Variants in ST18 observed in about 807,000 individuals in gnomAD.
ST18 encodes the protein suppression of tumorigenicity 18 protein.
A neutral mutation model predicts 110.0 loss-of-function variants in ST18; 50 were observed. That is an observed-to-expected ratio of 0.45 (90% CI 0.36 to 0.58). The LOEUF (loss-of-function observed/expected upper bound fraction) is 0.58, where lower values mean the gene tolerates loss of function less well. Ranked by LOEUF, ST18 falls within the 20% of genes least tolerant of loss-of-function variation. The pLI is 0.00. For synonymous variants in ST18, 461 were observed against 452.4 expected (o/e 1.02, Z -0.24); for missense variants, 1,306 against 1,280.1 (o/e 1.02, Z -0.31).
chr8:52,235,963 C>T (rs2092598791), intron 2 of ST18, among the ~76,000 whole-genome samples: 1 of 151,920 alleles, frequency 6.6e-6, no homozygotes, highest in South Asian at 2.1e-4. Flanking sequence ...CTGAAAATAC[C>T]AGGAAATAAA....
At chr8:52,409,004 T>C (rs1003748720) in intron 2 of ST18, 1 of 152,272 alleles carries the variant, frequency 6.6e-6, no homozygotes, top group Non-Finnish European at 1.5e-5. Context: ...AATTCCTTAC[T>C]GTACAAGTAA....
At chr8:52,387,976 G>T (rs1205928567) in intron 2 of ST18, among the ~76,000 whole-genome samples, 1 of 141,524 alleles carries the variant, frequency 7.1e-6, no homozygotes, top group Non-Finnish European at 1.5e-5. Flanking sequence ...CCCACGCCGG[G>T]CACTATTCTA....
At chr8:52,355,441 C>T (rs1054877485) in intron 2 of ST18, among the ~76,000 whole-genome samples, 3 of 152,118 alleles carry the variant, frequency 2.0e-5, no homozygotes, top group Non-Finnish European at 4.4e-5. Context: ...TGAGGACAAA[C>T]AGGCTGGTAT....
rs144174771 is a variant in ST18, at chr8:52,207,086, T to C, written c.86+4993A>G. 3.9e-3 allele frequency among the ~76,000 whole-genome samples: 597 copies of C among 152,292 alleles called. 3 individuals carry two copies. The highest frequency in any genetic ancestry group is 4.1e-3 in the Non-Finnish European group (277 of 68,028). ...TCCAAAATATTAAAGTATCTATTAC[T>C]GATATAAAGACTATAATGAATGAAA... On this transcript the variant is annotated intron_variant, in intron 8 of 25. Coordinates refer to ENST00000689386, the MANE Select transcript of ST18 (RefSeq NM_001352837.2).
At chr8:52,371,268 G>A (rs990045247) in intron 2 of ST18, among the ~76,000 whole-genome samples, 1 of 152,204 alleles carries the variant, frequency 6.6e-6, no homozygotes, top group Admixed American at 6.5e-5. Context: ...ATAATATTGA[G>A]AGAATTTAAT....
intron 9 of ST18, among the ~76,000 whole-genome samples, chr8:52,175,922 T>C (rs1225315967): frequency 1.3e-5 from 2 of 152,190 alleles, no homozygotes; most frequent in African/African-American, 2.4e-5. Context: ...CAGCGACCCT[T>C]AGGAGAAACA....
At chr8:52,122,214 G>T (rs2045190992) in intron 23 of ST18, among the ~76,000 whole-genome samples, 1 of 152,090 alleles carries the variant, frequency 6.6e-6, no homozygotes, top group South Asian at 2.1e-4. Flanking sequence ...AAAAGCAATA[G>T]ATTATGCTTT....
intron 2 of ST18, among the ~76,000 whole-genome samples, chr8:52,329,904 C>T (rs1808381052): frequency 6.6e-6 from 1 of 152,174 alleles, no homozygotes; most frequent in African/African-American, 2.4e-5. Flanking sequence ...AAAGGATCAG[C>T]CATCTGTTTT....
At chr8:52,162,083 C>T (rs1199364987) in intron 13 of ST18, among the ~76,000 whole-genome samples, 1 of 152,074 alleles carries the variant, frequency 6.6e-6, no homozygotes, top group Non-Finnish European at 1.5e-5. Flanking sequence ...TGGTGGCACA[C>T]ATCTGTAATC....
At position 52,321,540 on chromosome 8, in the gene ST18, G is replaced by T. The variant is rs555404108; in HGVS notation, c.-465+87788C>A. ...ATGTTTTTGTTATTTTGTTTATTTT[G>T]TTGCTTTTGGCTGATGTGGATGGAA... On this transcript the variant is annotated intron_variant, in intron 2 of 25. Transcript: ENST00000689386. 2.6e-4 allele frequency among the ~76,000 whole-genome samples: 40 copies of T among 152,208 alleles called. 1 individual carries two copies. Among genetic ancestry groups the T allele is most frequent in the African/African-American group, 8.9e-4 (37 of 41,550 alleles).
intron 2 of ST18, among the ~76,000 whole-genome samples, chr8:52,285,381 C>T (rs554258166): frequency 3.3e-5 from 5 of 152,278 alleles, no homozygotes; most frequent in Admixed American, 1.3e-4. Context: ...CAACATCTGT[C>T]GTTAACTTTC....
intron 24 of ST18, among the ~76,000 whole-genome samples, chr8:52,117,909 A>C (rs1297404374): frequency 6.6e-6 from 1 of 152,250 alleles, no homozygotes; most frequent in Admixed American, 6.5e-5. Flanking sequence ...TTGCTCAAGA[A>C]AATATTCAGT....
intron 2 of ST18, among the ~76,000 whole-genome samples, chr8:52,258,079 T>C (rs958527987): frequency 6.6e-6 from 1 of 152,178 alleles, no homozygotes; most frequent in African/African-American, 2.4e-5. Flanking sequence ...TGGAAATCCA[T>C]TGATGGTAGA....
intron 17 of ST18, among the ~76,000 whole-genome samples, chr8:52,142,436 T>C (rs2055523115): frequency 6.6e-6 from 1 of 152,208 alleles, no homozygotes; most frequent in Admixed American, 6.5e-5. Context: ...GTAGACTTGA[T>C]TAATATTTAA....
At chr8:52,387,602 C>T (rs1837336977) in intron 2 of ST18, among the ~76,000 whole-genome samples, 2 of 151,970 alleles carry the variant, frequency 1.3e-5, no homozygotes, top group South Asian at 4.2e-4. Flanking sequence ...ATTTCATTTT[C>T]ATTATCTTCA....
rs562407163 is a variant in ST18 at position 52,345,086 on chromosome 8, C to T, written c.-465+64242G>A. 2.6e-5 allele frequency among the ~76,000 whole-genome samples: 4 copies of T among 152,234 alleles called. No individual in the cohort carries two copies. The East Asian group carries it at 5.8e-4, about 22-fold the overall frequency. ...ATAATTATAACATATTCTTTAATTT[C>T]CAAACAAACCAAAACTAGGAAAAAT... On this transcript the variant is annotated intron_variant, in intron 2 of 25. Coordinates refer to ENST00000689386, the MANE Select transcript of ST18 (RefSeq NM_001352837.2).
At chr8:52,354,373 A>C (rs566111748) in intron 2 of ST18, among the ~76,000 whole-genome samples, 1 of 152,334 alleles carries the variant, frequency 6.6e-6, no homozygotes, top group East Asian at 1.9e-4. Flanking sequence ...GGTCAGATTC[A>C]GGATATGATA....
At chr8:52,272,841 T>C (rs541682865) in intron 2 of ST18, among the ~76,000 whole-genome samples, 37 of 152,332 alleles carry the variant, frequency 2.4e-4, no homozygotes, top group Admixed American at 1.8e-3. Context: ...ATTCCACTTA[T>C]GTGAGGTTGT....
chr8:52,207,264 T>C (rs2080432900), intron 8 of ST18, among the ~76,000 whole-genome samples: 1 of 152,178 alleles, frequency 6.6e-6, no homozygotes, highest in Admixed American at 6.5e-5. Context: ...GGCAAGAAGA[T>C]TGCTTGAGCT....
Sources: allele counts gnomAD v4.1 joint callset (sites outside exome capture counted in the v4.1 genomes callset), GRCh38; gene constraint gnomAD v4.1.1; transcripts MANE v1.5; gene names NCBI Gene and HGNC (gene_info 2026-07-23, HGNC 2026-07-21).